Variants in ST7 observed in about 807,000 individuals in gnomAD.
The protein encoded by ST7 is suppressor of tumorigenicity 7 protein.
In ST7, 28 loss-of-function variants were observed where a neutral mutation model predicts 78.7. The observed-to-expected ratio is 0.36, with a 90% confidence interval of 0.26 to 0.49. The LOEUF (loss-of-function observed/expected upper bound fraction) is 0.49, where lower values mean the gene tolerates loss of function less well. ST7 is among the 20% of genes least tolerant of loss of function. The pLI is 0.99. For missense variants in ST7, 418 were observed against 696.0 expected, an observed-to-expected ratio of 0.60 and a Z score of 4.49; for synonymous variants, 247 against 249.6, an observed-to-expected ratio of 0.99 and a Z score of 0.10.
intron 1 of ST7, chr7:116,972,689 G>C: frequency 1.0e-6 from 1 of 988,802 alleles, no homozygotes; most frequent in East Asian, 2.4e-5. Context: ...TCCAGCTTTT[G>C]CAGGGCAGTG....
chr7:117,002,227 C>CAAATAAAGTAAAATAAAGTA (rs1236965169), intron 1 of ST7, among the ~76,000 whole-genome samples: 6 of 151,838 alleles, frequency 4.0e-5, no homozygotes, highest in African/African-American at 1.5e-4. Flanking sequence ...GACTCTGTCT[C>CAAATAAAGTAAAATAAAGTA]AAATAAAGTA....
rs751549285 is a variant in ST7, at chr7:117,097,908, ATTTTT to A, written c.152-1838_152-1834del. On this transcript the variant is annotated intron_variant, in intron 1 of 15. Coordinates refer to ENST00000323984, the MANE Select transcript of ST7 (RefSeq NM_001369598.1). ...TATATATATATATATATATATATAT[ATTTTT>A]TTTTTTTTTTTTTTTGATGGCCAGG... 2.5e-3 allele frequency among the ~76,000 whole-genome samples: 75 copies of A among 30,014 alleles called. 3 individuals carry two copies. The East Asian group carries it at 0.031, about 12-fold the overall frequency. 19.7% of individuals were successfully genotyped at this position (30,014 alleles called of 152,430 possible). A position where few individuals can be genotyped will look rare whatever the true frequency, so the allele number is the denominator to read the frequency against.
At chr7:117,074,946 A>C (rs1318709768) in intron 1 of ST7, among the ~76,000 whole-genome samples, 2 of 152,212 alleles carry the variant, frequency 1.3e-5, no homozygotes, top group African/African-American at 4.8e-5. Context: ...ATTGCAGCTG[A>C]ACTATGTGAT....
At chr7:117,106,616 C>CTTT (rs758855564) in intron 2 of ST7, among the ~76,000 whole-genome samples, 200 of 107,662 alleles carry the variant, frequency 1.9e-3, no homozygotes, top group Non-Finnish European at 2.8e-3. Context: ...TTGTATCATT[C>CTTT]TTTTTTTTTT....
chr7:117,015,286 C>T (rs1337978696), intron 1 of ST7, among the ~76,000 whole-genome samples: 1 of 152,164 alleles, frequency 6.6e-6, no homozygotes, highest in Non-Finnish European at 1.5e-5. Flanking sequence ...CATAGTTAAT[C>T]CACATTTCTC....
In ST7 at chr7:117,118,191, C is replaced by A. The variant is rs1803050981; in HGVS notation, c.235-1370C>A. 2.6e-5 allele frequency among the ~76,000 whole-genome samples: 4 copies of A among 152,210 alleles called. No homozygotes were observed. In the South Asian group the frequency reaches 8.3e-4, roughly 31 times the overall value. ...GCTGACCTGACACTCAAAGGAAGTG[C>A]TCATAGGAGCATTTTGGATTTTGGA... On this transcript the variant is annotated intron_variant, in intron 2 of 15. Coordinates refer to ENST00000323984, the MANE Select transcript of ST7 (RefSeq NM_001369598.1).
chr7:117,131,324 A>G (rs1804333011), intron 5 of ST7, among the ~76,000 whole-genome samples: 1 of 151,882 alleles, frequency 6.6e-6, no homozygotes, highest in African/African-American at 2.4e-5. Context: ...AAATATTCCC[A>G]TTGAGCTTCC....
intron 1 of ST7, among the ~76,000 whole-genome samples, chr7:117,077,355 C>G (rs1799426400): frequency 1.3e-5 from 2 of 152,128 alleles, no homozygotes; most frequent in Non-Finnish European, 2.9e-5. Flanking sequence ...TTGCCATGGA[C>G]CTGCCCTTTT....
At chr7:116,967,076 A>G (rs188397526) in intron 1 of ST7, among the ~76,000 whole-genome samples, 91 of 152,220 alleles carry the variant, frequency 6.0e-4, no homozygotes, top group Non-Finnish European at 9.8e-4. Flanking sequence ...GTGTTACAAA[A>G]TATCAAATGA....
At chr7:117,149,086 T>G (rs1806036169) in intron 9 of ST7, among the ~76,000 whole-genome samples, 1 of 152,202 alleles carries the variant, frequency 6.6e-6, no homozygotes, top group East Asian at 1.9e-4. Context: ...TCCTTCTTCC[T>G]GGACCGCTAT....
intron 1 of ST7, among the ~76,000 whole-genome samples, chr7:117,004,182 A>T (rs1795060615): frequency 6.6e-6 from 1 of 152,210 alleles, no homozygotes; most frequent in African/African-American, 2.4e-5. Flanking sequence ...TCTTTTGGAT[A>T]TGTAACAGTA....
At chr7:117,185,105 A>G (rs188747935) in intron 10 of ST7, among the ~76,000 whole-genome samples, 30 of 152,278 alleles carry the variant, frequency 2.0e-4, no homozygotes, top group Admixed American at 1.4e-3. Flanking sequence ...GTGAGCCAAA[A>G]CATCAGTTCC....
intron 12 of ST7, among the ~76,000 whole-genome samples, chr7:117,199,583 T>C (rs193575): frequency 0.68 from 103,292 of 152,106 alleles, 35,444 homozygotes; most frequent in East Asian, 0.92. Context: ...CTGCTGTCCA[T>C]CAGCTTCTCT....
At chr7:117,016,499 T>A (rs943270759) in intron 1 of ST7, among the ~76,000 whole-genome samples, 2 of 14,470 alleles carry the variant, frequency 1.4e-4, no homozygotes, top group African/African-American at 1.5e-4. Context: ...AAACATTTGT[T>A]GTTCTTAAGT....
intron 12 of ST7, among the ~76,000 whole-genome samples, chr7:117,191,421 G>A (rs541137057): frequency 6.6e-6 from 1 of 152,202 alleles, no homozygotes; most frequent in South Asian, 2.1e-4. Flanking sequence ...ATTTTGCTTT[G>A]TACCATTTTA....
chr7:117,162,249 C>CT (rs1362178842), intron 9 of ST7, among the ~76,000 whole-genome samples: 1 of 151,920 alleles, frequency 6.6e-6, no homozygotes, highest in Non-Finnish European at 1.5e-5. Flanking sequence ...GTCCTGATGC[C>CT]TAGCATATGG....
At chr7:117,037,964 G>A (rs1189818321) in intron 1 of ST7, among the ~76,000 whole-genome samples, 2 of 152,178 alleles carry the variant, frequency 1.3e-5, no homozygotes, top group African/African-American at 4.8e-5. Context: ...CTTAGGAGAA[G>A]GGGCTGGACT....
intron 9 of ST7, among the ~76,000 whole-genome samples, chr7:117,162,282 G>A (rs1807219275): frequency 6.6e-6 from 1 of 152,018 alleles, no homozygotes; most frequent in Non-Finnish European, 1.5e-5. Context: ...ATTTGTTAAT[G>A]TTTACTGAAT....
intron 1 of ST7, among the ~76,000 whole-genome samples, chr7:116,990,231 C>T (rs141578806): frequency 3.1e-4 from 47 of 152,268 alleles, no homozygotes; most frequent in South Asian, 4.1e-4. Flanking sequence ...CCACCACGCC[C>T]GGCCGGTGAT....
Sources: allele counts gnomAD v4.1 joint callset (sites outside exome capture counted in the v4.1 genomes callset), GRCh38; gene constraint gnomAD v4.1.1; transcripts MANE v1.5; gene names NCBI Gene and HGNC (gene_info 2026-07-23, HGNC 2026-07-21).